The following AUTS2 variants were observed in gnomAD, a reference collection of about 807,000 sequenced individuals.
AUTS2 encodes autism susceptibility gene 2 protein.
Under a neutral mutation model 112.4 loss-of-function variants are expected in AUTS2, and 17 were observed. The observed-to-expected ratio is 0.15, with a 90% CI of 0.10 to 0.23. AUTS2 has a LOEUF of 0.23. Among genes scored for constraint, AUTS2 ranks in the 10% least tolerant of loss-of-function variants. The pLI is 1.00. For synonymous variants in AUTS2, 751 were observed against 702.7 expected (o/e 1.07, Z -1.09); for missense variants, 1,510 against 1,701.6 (o/e 0.89, Z 1.98).
At position 70,203,360 on chromosome 7, in the gene AUTS2, A is replaced by AAG. The variant is rs1554336782; in HGVS notation, c.660+68790_660+68791insGA. ...AGAGTATAATAAAAAAAAAAAAAAA[A>AAG]AAGAAGTTTACGGATAAAAGAATGA... On this transcript the variant is annotated intron_variant, in intron 4 of 18. Transcript: ENST00000342771. Among the ~76,000 whole-genome samples, 8 of 148,564 alleles carry AAG rather than the reference A, an allele frequency of 5.4e-5. No individual in the cohort carries two copies. The East Asian group carries it at 5.9e-4, about 11-fold the overall frequency.
intron 4 of AUTS2, among the ~76,000 whole-genome samples, chr7:70,179,213 G>A (rs1809166565): frequency 6.6e-6 from 1 of 152,180 alleles, no homozygotes; most frequent in Non-Finnish European, 1.5e-5. Context: ...AAATGCCTGG[G>A]TTTGTTAGTC....
Position 69,982,454 on chromosome 7 carries a change from G to T in AUTS2, c.522+82956G>T, listed in dbSNP as rs1467927544. Among the ~76,000 whole-genome samples the T allele has an allele frequency of 1.5e-4, 22 of 142,418 alleles. No individual in the cohort carries two copies. The East Asian group carries it at 4.3e-3, about 28-fold the overall frequency. The allele number at this position is 142,418 out of a possible 152,430, so 93.4% of individuals were successfully genotyped here. The stretch of plus-strand genomic sequence containing the variant: ...TCTTTTCTTCACCCCTCCTGCTCCA[G>T]GCTATCCTGAGGGGGGAAAAAAAAC... On this transcript the variant is annotated intron_variant, in intron 2 of 18. Transcript: ENST00000342771.
intron 1 of AUTS2, among the ~76,000 whole-genome samples, chr7:69,759,167 G>C (rs1788061190): frequency 6.6e-6 from 1 of 152,086 alleles, no homozygotes; most frequent in Non-Finnish European, 1.5e-5. Flanking sequence ...TCTGCCCGGG[G>C]AACCTATACA....
chr7:70,058,629 T>TC (rs1802101614), intron 2 of AUTS2, among the ~76,000 whole-genome samples: 1 of 151,948 alleles, frequency 6.6e-6, no homozygotes, highest in Non-Finnish European at 1.5e-5. Flanking sequence ...TAGGTTTTTT[T>TC]TTTTTTTAAC....
At chr7:69,911,420 G>A (rs991052644) in intron 2 of AUTS2, among the ~76,000 whole-genome samples, 4 of 152,288 alleles carry the variant, frequency 2.6e-5, no homozygotes, top group South Asian at 4.2e-4. Flanking sequence ...GCAACGTGGC[G>A]AGCAGGGGGG....
chr7:69,723,336 T>A (rs912090467), intron 1 of AUTS2, among the ~76,000 whole-genome samples: 2 of 152,142 alleles, frequency 1.3e-5, no homozygotes, highest in Non-Finnish European at 2.9e-5. Context: ...GAAAGAAATG[T>A]ATGTTTTATA....
intron 2 of AUTS2, among the ~76,000 whole-genome samples, chr7:69,935,290 A>T (rs1584464742): frequency 6.6e-6 from 1 of 150,848 alleles, no homozygotes; most frequent in East Asian, 2.0e-4. Context: ...CCAGGGTCCA[A>T]GGTGAAAAAG....
chr7:70,091,611 AG>A (rs1355405275), intron 2 of AUTS2, among the ~76,000 whole-genome samples: 2 of 152,202 alleles, frequency 1.3e-5, no homozygotes, highest in African/African-American at 4.8e-5. Context: ...CAAGGAAGCC[AG>A]GTACTAAACC....
rs191240177 is a variant in AUTS2, at chr7:70,077,747, G to T, written c.523-40385G>T. 1.2e-3 allele frequency among the ~76,000 whole-genome samples: 186 copies of T among 152,232 alleles called. 2 individuals are homozygous for T. Among genetic ancestry groups the T allele is most frequent in the African/African-American group, 4.2e-3 (176 of 41,540 alleles). On this transcript the variant is annotated intron_variant, in intron 2 of 18. Coordinates refer to ENST00000342771, the MANE Select transcript of AUTS2 (RefSeq NM_015570.4). ...AAATGCCAACACTTCACCAAGAGTG[G>T]AAGCCATCAGGCTGCACTCTCTGAC...
intron 2 of AUTS2, among the ~76,000 whole-genome samples, chr7:70,017,828 T>C (rs1005075968): frequency 4.7e-5 from 7 of 148,366 alleles, no homozygotes; most frequent in Non-Finnish European, 1.5e-5. Flanking sequence ...TAAATATATT[T>C]ATATTTATAG....
At chr7:70,348,560 T>A (rs1342550855) in intron 4 of AUTS2, among the ~76,000 whole-genome samples, 1 of 152,074 alleles carries the variant, frequency 6.6e-6, no homozygotes, top group Non-Finnish European at 1.5e-5. Flanking sequence ...ATCCCAGCAC[T>A]TTGGGAGGCC....
At chr7:70,229,536 T>C (rs1584905601) in intron 4 of AUTS2, among the ~76,000 whole-genome samples, 1 of 152,192 alleles carries the variant, frequency 6.6e-6, no homozygotes, top group African/African-American at 2.4e-5. Context: ...ATATGAAATG[T>C]GTAGATGTGG....
intron 5 of AUTS2, among the ~76,000 whole-genome samples, chr7:70,617,926 G>GT (rs1804464664): frequency 6.6e-6 from 1 of 152,068 alleles, no homozygotes; most frequent in Non-Finnish European, 1.5e-5. Flanking sequence ...CGCTACTTTT[G>GT]CCCAGTATTT....
chr7:69,834,676 C>G (rs10216097), intron 1 of AUTS2, among the ~76,000 whole-genome samples: 11 of 152,086 alleles, frequency 7.2e-5, no homozygotes, highest in Non-Finnish European at 1.5e-4. Flanking sequence ...AAACTCAAAC[C>G]AAGCCTTGAT....
intron 5 of AUTS2, among the ~76,000 whole-genome samples, chr7:70,681,261 C>T (rs1396524288): frequency 6.6e-6 from 1 of 152,164 alleles, no homozygotes; most frequent in Non-Finnish European, 1.5e-5. Context: ...GGAGAATCCA[C>T]CCGGGCCTGG....
chr7:70,120,750 GTAT>G lies in AUTS2; in HGVS notation c.624+2523_624+2525del, dbSNP rs1387773684. Among the ~76,000 whole-genome samples, 4 of 152,100 alleles carry G rather than the reference GTAT, an allele frequency of 2.6e-5. No homozygotes were observed. The East Asian group carries it at 7.7e-4, about 29-fold the overall frequency. On this transcript the variant is annotated intron_variant, in intron 3 of 18. Transcript: ENST00000342771. ...TTCCATATTCATGAATAGAAAGACA[GTAT>G]TATTAAGATGTCAGTACTACCCTAA...
chr7:69,763,866 G>T (rs1025775882), intron 1 of AUTS2, among the ~76,000 whole-genome samples: 9 of 152,298 alleles, frequency 5.9e-5, no homozygotes, highest in Non-Finnish European at 1.2e-4. Context: ...GCCTTAAATT[G>T]TGATGTGTTC....
chr7:69,755,134 A>C (rs1281382748), intron 1 of AUTS2, among the ~76,000 whole-genome samples: 1 of 152,168 alleles, frequency 6.6e-6, no homozygotes, highest in Non-Finnish European at 1.5e-5. Flanking sequence ...GGACAGGCAG[A>C]GGTGAGTGAG....
At chr7:70,645,495 A>G (rs1281573041) in intron 5 of AUTS2, among the ~76,000 whole-genome samples, 1 of 152,046 alleles carries the variant, frequency 6.6e-6, no homozygotes, top group East Asian at 1.9e-4. Flanking sequence ...CTCCCTCCAG[A>G]GGGGCAGCTT....
Sources: allele counts gnomAD v4.1 joint callset (sites outside exome capture counted in the v4.1 genomes callset), GRCh38; gene constraint gnomAD v4.1.1; transcripts MANE v1.5; gene names NCBI Gene and HGNC (gene_info 2026-07-23, HGNC 2026-07-21).